Variants in RYR3 observed in about 807,000 individuals in gnomAD.
RYR3 encodes the protein ryanodine receptor 3.
A neutral mutation model predicts 584.3 loss-of-function variants in RYR3; 207 were observed. That is an observed-to-expected ratio of 0.35 (90% CI 0.32 to 0.40). The LOEUF (loss-of-function observed/expected upper bound fraction) is 0.40. Among genes scored for constraint, RYR3 ranks in the 10% least tolerant of loss-of-function variants. The probability of loss-of-function intolerance (pLI) is 1.00; values close to 1 mark genes in which losing one functional copy is unlikely to be tolerated. For missense variants in RYR3, 5,616 were observed against 6,089.2 expected (o/e 0.92, Z 2.59); for synonymous variants, 2,416 against 2,248.5 (o/e 1.07, Z -2.11).
chr15:33,606,470 G>C (rs1218403192), intron 18 of RYR3, among the ~76,000 whole-genome samples: 2 of 152,198 alleles, frequency 1.3e-5, no homozygotes, highest in Non-Finnish European at 1.5e-5. Context: ...TTCTCAAAGT[G>C]ACATCCTGGA....
chr15:33,531,622 T>C (rs1439899232), intron 4 of RYR3, among the ~76,000 whole-genome samples: 1 of 149,792 alleles, frequency 6.7e-6, no homozygotes, highest in African/African-American at 2.4e-5. Flanking sequence ...AAATAATTCA[T>C]TTGCTGCAGC....
At chr15:33,864,972 C>G (rs1249090502) in intron 103 of RYR3, 159 bp from the exon 104 acceptor site, 1 of 566,500 alleles carries the variant, frequency 1.8e-6, no homozygotes. Context: ...GCTTCCCAAA[C>G]AGCCTGTGCT....
chr15:33,651,306 T>C (rs2062449534), intron 31 of RYR3, among the ~76,000 whole-genome samples: 1 of 152,284 alleles, frequency 6.6e-6, no homozygotes, highest in South Asian at 2.1e-4. Context: ...TTATTAATTG[T>C]ATTCTGTATT....
rs778575404 is a variant in RYR3, at chr15:33,837,911, T to G, written c.11931T>G (p.Val3977=). Residue 3977 remains valine (V), a synonymous_variant, in exon 89 of 104, where the codon GTT becomes GTG. Transcript: ENST00000634891. ...ATGAGAATGACATGTTTAATTACGT[T>G]GATTTTGTAGACCGGTTCCATGAGC... ...EADENDMFNY[V]DFVDRFHEPA... is the part of the protein sequence containing the mutation. 2.4e-5 allele frequency: 39 copies of G among 1,613,892 alleles called. No individual in the cohort carries two copies. The highest frequency in any genetic ancestry group is 1.8e-4 in the Admixed American group (11 of 60,000).
intron 64 of RYR3, among the ~76,000 whole-genome samples, chr15:33,778,149 G>A (rs1247591926): frequency 2.8e-5 from 4 of 144,302 alleles, no homozygotes; most frequent in Non-Finnish European, 4.7e-5. Flanking sequence ...CAGCCTGGGC[G>A]ACAGAGCAAG....
chr15:33,359,279 G>T (rs979870274), intron 1 of RYR3, among the ~76,000 whole-genome samples: 1 of 152,040 alleles, frequency 6.6e-6, no homozygotes, highest in South Asian at 2.1e-4. Flanking sequence ...ACAGACAAAG[G>T]CCTCTACTCA....
intron 1 of RYR3, among the ~76,000 whole-genome samples, chr15:33,351,550 G>T (rs1214713717): frequency 2.6e-5 from 4 of 151,414 alleles, no homozygotes; most frequent in Non-Finnish European, 4.4e-5. Flanking sequence ...ACATCAAAAA[G>T]CTTATCCACC....
intron 27 of RYR3, among the ~76,000 whole-genome samples, chr15:33,637,695 C>T (rs2061569003): frequency 6.6e-6 from 1 of 152,228 alleles, no homozygotes; most frequent in Non-Finnish European, 1.5e-5. Context: ...ATGTAATATA[C>T]ATGCTCTTTA....
chr15:33,347,546 A>G (rs936431220), intron 1 of RYR3, among the ~76,000 whole-genome samples: 4 of 151,422 alleles, frequency 2.6e-5, no homozygotes, highest in Non-Finnish European at 2.9e-5. Flanking sequence ...TCCCGGGGTC[A>G]TGCCATTCTC....
chr15:33,454,318 A>G (rs947893175), intron 1 of RYR3, among the ~76,000 whole-genome samples: 3 of 152,208 alleles, frequency 2.0e-5, no homozygotes, highest in African/African-American at 7.2e-5. Context: ...CTGTTATCCC[A>G]CTGCAGGTAA....
At chr15:33,576,481 A>G (rs539730964) in intron 12 of RYR3, among the ~76,000 whole-genome samples, 20 of 152,292 alleles carry the variant, frequency 1.3e-4, no homozygotes, top group African/African-American at 4.6e-4. Flanking sequence ...ATCAATAAAC[A>G]CAATTCTTCA....
intron 19 of RYR3, among the ~76,000 whole-genome samples, chr15:33,623,037 T>C (rs2060804613): frequency 6.6e-6 from 1 of 152,202 alleles, no homozygotes; most frequent in Admixed American, 6.5e-5. Context: ...GTGAGACCTT[T>C]AGTGTCCTTC....
At chr15:33,860,754 C>T in intron 101 of RYR3, 95 bp downstream of exon 101, 1 of 929,202 alleles carries the variant, frequency 1.1e-6, no homozygotes, top group Non-Finnish European at 1.6e-6. Context: ...TACTTAGGGC[C>T]AGTACTAAGC....
At chr15:33,733,040 A>G (rs1188516134) in intron 48 of RYR3, among the ~76,000 whole-genome samples, 1 of 152,252 alleles carries the variant, frequency 6.6e-6, no homozygotes, top group Non-Finnish European at 1.5e-5. Context: ...AATCTCAGCA[A>G]TGAGATAGCA....
At chr15:33,661,443 T>C (rs1348474941) in intron 34 of RYR3, among the ~76,000 whole-genome samples, 2 of 152,130 alleles carry the variant, frequency 1.3e-5, no homozygotes, top group Non-Finnish European at 2.9e-5. Context: ...CCATGGATAG[T>C]GGTAGATTGG....
At chr15:33,646,994 T>C (rs1209849490) in intron 29 of RYR3, among the ~76,000 whole-genome samples, 1 of 152,262 alleles carries the variant, frequency 6.6e-6, no homozygotes, top group Non-Finnish European at 1.5e-5. Context: ...TATCCCTTGC[T>C]GTCTTTCTTT....
chr15:33,811,090 A>T, intron 72 of RYR3, 53 bp downstream of exon 72: 1 of 1,468,594 alleles, frequency 6.8e-7, no homozygotes, highest in Non-Finnish European at 9.4e-7. Context: ...TTCTGGCTGC[A>T]GGGTTCCAGC....
chr15:33,662,102 CTG>C (rs1364751230), intron 34 of RYR3, 49 bp from the exon 35 acceptor site: 122 of 1,441,842 alleles, frequency 8.5e-5, no homozygotes, highest in Non-Finnish European at 1.1e-4. Context: ...TAGCTGGATT[CTG>C]GTGGGTTCTT....
At chr15:33,826,141 G>A (rs1226896423) in intron 82 of RYR3, 111 bp from the exon 83 acceptor site, 2 of 1,034,428 alleles carry the variant, frequency 1.9e-6, no homozygotes, top group East Asian at 2.4e-5. Context: ...CTTTAATAAA[G>A]CTATCATCTA....
Sources: allele counts gnomAD v4.1 joint callset (sites outside exome capture counted in the v4.1 genomes callset), GRCh38; gene constraint gnomAD v4.1.1; transcripts MANE v1.5; gene names NCBI Gene and HGNC (gene_info 2026-07-23, HGNC 2026-07-21).